The following CORIN variants were observed in gnomAD, a reference collection of about 807,000 sequenced individuals.
The protein encoded by CORIN is corin, serine peptidase.
In CORIN, 117 loss-of-function variants were observed where a neutral mutation model predicts 125.3. The ratio of observed to expected loss-of-function variants is 0.93; its 90% CI spans 0.80 to 1.09. The LOEUF (loss-of-function observed/expected upper bound fraction) is 1.09, where lower values mean the gene tolerates loss of function less well. CORIN is among the 50% of genes least tolerant of loss of function. CORIN has a pLI of 0.00. For missense variants in CORIN, 1,253 were observed against 1,306.7 expected (o/e 0.96, Z 0.63); for synonymous variants, 450 against 466.4 (o/e 0.96, Z 0.45).
chr4:47,824,973 T>C (rs567990037), intron 1 of CORIN, among the ~76,000 whole-genome samples: 22 of 152,304 alleles, frequency 1.4e-4, no homozygotes, highest in African/African-American at 4.8e-4. Context: ...CCTGGTGTTA[T>C]CTGCTTACAG....
chr4:47,669,230 A>C (rs1724625614), intron 10 of CORIN, among the ~76,000 whole-genome samples: 1 of 152,174 alleles, frequency 6.6e-6, no homozygotes, highest in African/African-American at 2.4e-5. Context: ...TTCAACCTAA[A>C]GATGGGATCG....
At position 47,661,754 on chromosome 4, in the gene CORIN, A is replaced by AT; in HGVS notation, c.1691dup (p.Asn564LysfsTer11). ...GCATCAGGCAGGTTTGATTGTCTGA[A>AT]TTTTCCTCTGGAAATTGACTGCAAT... On this transcript the variant is annotated frameshift_variant, in exon 12 of 22. Transcript: ENST00000273857. LOFTEE classifies it high-confidence loss of function. The AT allele has an allele frequency of 6.2e-7, 1 of 1,613,510 alleles. No individual in the cohort carries two copies. The highest frequency in any genetic ancestry group is 1.7e-5 in the Admixed American group (1 of 59,976).
rs557035151 is a variant in CORIN, at chr4:47,825,126, G to A, written c.63+12761C>T. Among the ~76,000 whole-genome samples the A allele has an allele frequency of 7.9e-5, 12 of 152,280 alleles. No homozygotes were observed. In the South Asian group the frequency reaches 1.7e-3, roughly 21 times the overall value. On this transcript the variant is annotated intron_variant, in intron 1 of 21. Transcript: ENST00000273857. ...TCATCTGCTTCAGGCCTCAGGGTGCGAGACACAAAACAGAGCCAAGCAAGA... is the reference window on the plus strand; with the variant it reads ...TCATCTGCTTCAGGCCTCAGGGTGCAAGACACAAAACAGAGCCAAGCAAGA...
At chr4:47,637,730 G>A (rs1280306799) in intron 16 of CORIN, among the ~76,000 whole-genome samples, 1 of 152,252 alleles carries the variant, frequency 6.6e-6, no homozygotes, top group East Asian at 1.9e-4. Flanking sequence ...TGCCTAGGCA[G>A]AAGTTTGCTG....
In CORIN at chr4:47,643,220, T is replaced by C. The variant is rs893315087; in HGVS notation, c.1994A>G (p.His665Arg). The change falls in exon 15 of 22, where the codon CAT becomes CGT. Residue 665 changes from histidine (H) to arginine (R), a missense_variant. Coordinates refer to ENST00000273857, the MANE Select transcript of CORIN (RefSeq NM_006587.4). ...CCACAGGTCACGTGACACACACGCA[T>C]GGTTTGCACATTCCAGCTCATCATC... ...CQDDELECAN[H>R]ACVSRDLWCD... The C allele has an allele frequency of 3.7e-6, 6 of 1,612,232 alleles. No homozygotes were observed. The South Asian group carries it at 5.5e-5, about 15-fold the overall frequency.
In CORIN at chr4:47,820,885, T is replaced by G. The variant is rs370275017; in HGVS notation, c.64-13838A>C. ...TTAATGCTATAGATTGAGTCATACT[T>G]TTTATGATTAAAAAATGCTATAGAA... On this transcript the variant is annotated intron_variant, in intron 1 of 21. Transcript: ENST00000273857. Among the ~76,000 whole-genome samples, 8 of 152,326 alleles carry G rather than the reference T, an allele frequency of 5.3e-5. No homozygotes were observed. The East Asian group carries it at 1.5e-3, about 29-fold the overall frequency.
chr4:47,810,906 T>C (rs530325381), intron 1 of CORIN, among the ~76,000 whole-genome samples: 2 of 152,246 alleles, frequency 1.3e-5, no homozygotes, highest in South Asian at 2.1e-4. Flanking sequence ...ACTCAACAAG[T>C]CTGGAACCAA....
chr4:47,775,749 C>T (rs1730268841), intron 3 of CORIN, among the ~76,000 whole-genome samples: 1 of 152,166 alleles, frequency 6.6e-6, no homozygotes, highest in African/African-American at 2.4e-5. Flanking sequence ...GATGTGTCCC[C>T]AGGCATTTTC....
chr4:47,718,801 A>C (rs1302162382), intron 5 of CORIN, among the ~76,000 whole-genome samples: 1 of 152,210 alleles, frequency 6.6e-6, no homozygotes, highest in Admixed American at 6.5e-5. Flanking sequence ...GTACTAAAGC[A>C]GAAGATGTCT....
At chr4:47,823,500 G>A (rs973602306) in intron 1 of CORIN, among the ~76,000 whole-genome samples, 1 of 152,188 alleles carries the variant, frequency 6.6e-6, no homozygotes, top group Non-Finnish European at 1.5e-5. Flanking sequence ...TCAGCAGAAA[G>A]AGCTATATGG....
chr4:47,806,058 A>G (rs1317829149), intron 2 of CORIN, among the ~76,000 whole-genome samples: 1 of 152,228 alleles, frequency 6.6e-6, no homozygotes, highest in African/African-American at 2.4e-5. Flanking sequence ...GAGCTAACTA[A>G]TGAGTTAACC....
At chr4:47,756,849 A>G (rs1729170416) in intron 4 of CORIN, among the ~76,000 whole-genome samples, 1 of 152,204 alleles carries the variant, frequency 6.6e-6, no homozygotes, top group Admixed American at 6.5e-5. Context: ...CCTCCATTTC[A>G]ATTAGCCTGT....
At chr4:47,812,694 G>A (rs1258806864) in intron 1 of CORIN, among the ~76,000 whole-genome samples, 3 of 152,118 alleles carry the variant, frequency 2.0e-5, no homozygotes, top group Non-Finnish European at 4.4e-5. Flanking sequence ...AATCATAGCA[G>A]AAGTCATACC....
At chr4:47,817,347 T>C (rs912864201) in intron 1 of CORIN, among the ~76,000 whole-genome samples, 1 of 150,960 alleles carries the variant, frequency 6.6e-6, no homozygotes, top group Admixed American at 6.6e-5. Flanking sequence ...GAACCAGGAG[T>C]CTTGAGAGAG....
intron 5 of CORIN, among the ~76,000 whole-genome samples, chr4:47,730,358 A>AG (rs911541642): frequency 9.9e-5 from 15 of 151,670 alleles, no homozygotes; most frequent in African/African-American, 3.4e-4. Flanking sequence ...CTGTAGTCCT[A>AG]GCTACTCGGG....
chr4:47,805,148 A>AAAAAAAT (rs796469224), intron 2 of CORIN, among the ~76,000 whole-genome samples: 1 of 129,160 alleles, frequency 7.7e-6, no homozygotes, highest in African/African-American at 2.9e-5. Flanking sequence ...AAAAAAAAAA[A>AAAAAAAT]AATAATAATA....
At chr4:47,655,059 C>T (rs2109647706) in intron 12 of CORIN, among the ~76,000 whole-genome samples, 1 of 152,208 alleles carries the variant, frequency 6.6e-6, no homozygotes, top group Non-Finnish European at 1.5e-5. Flanking sequence ...CATTTCTAGA[C>T]ATATCTTCAA....
chr4:47,615,989 CGATGGATGATGCCTTTTACTGA>C (rs2109537274), intron 19 of CORIN, among the ~76,000 whole-genome samples: 1 of 152,068 alleles, frequency 6.6e-6, no homozygotes, highest in South Asian at 2.1e-4. Flanking sequence ...ATTAGCGAAC[CGATGGATGATGCCTTTTACTGA>C]GATGGGGGAA....
At chr4:47,746,932 C>T (rs1728691457) in intron 4 of CORIN, among the ~76,000 whole-genome samples, 1 of 152,098 alleles carries the variant, frequency 6.6e-6, no homozygotes, top group African/African-American at 2.4e-5. Flanking sequence ...TGCATTGAAT[C>T]AGTATTTGTC....
Sources: allele counts gnomAD v4.1 joint callset (sites outside exome capture counted in the v4.1 genomes callset), GRCh38; gene constraint gnomAD v4.1.1; transcripts MANE v1.5; gene names NCBI Gene and HGNC (gene_info 2026-07-23, HGNC 2026-07-21).